Variants in LYRM4 observed in about 807,000 individuals in gnomAD.
LYRM4 encodes LYR motif-containing protein 4.
Under a neutral mutation model 11.7 loss-of-function variants are expected in LYRM4, and 9 were observed. That is an observed-to-expected ratio of 0.77 (90% confidence interval 0.46 to 1.34). The LOEUF is 1.34. Among genes scored for constraint, LYRM4 ranks in the 40% most tolerant of loss-of-function variants. The pLI, the probability that LYRM4 is intolerant of heterozygous loss-of-function variation, is 0.00. For synonymous variants in LYRM4, 42 were observed against 40.4 expected, an observed-to-expected ratio of 1.04 and a Z score of -0.15; for missense variants, 133 against 112.5, an observed-to-expected ratio of 1.18 and a Z score of -0.82.
intron 2 of LYRM4, among the ~76,000 whole-genome samples, chr6:5,205,293 G>A (rs1403998297): frequency 2.6e-5 from 4 of 151,520 alleles, no homozygotes; most frequent in Non-Finnish European, 4.4e-5. Flanking sequence ...AGTGCACTGG[G>A]TGTGCTGTGT....
intron 1 of LYRM4, 129 bp downstream of exon 1, chr6:5,260,519 G>T (rs990094468): frequency 7.9e-7 from 1 of 1,273,520 alleles, no homozygotes; most frequent in Non-Finnish European, 1.1e-6. Context: ...GGCGGAGCCC[G>T]GTCCTTGCCT....
chr6:5,131,382 T>C (rs928193379), intron 2 of LYRM4, among the ~76,000 whole-genome samples: 2 of 152,164 alleles, frequency 1.3e-5, no homozygotes, highest in Non-Finnish European at 2.9e-5. Context: ...TACACACACA[T>C]GTATCTCAGA....
At chr6:5,079,754 A>G in the LYRM4 span, among the ~76,000 whole-genome samples, 1 of 152,390 alleles carries the variant, frequency 6.6e-6, no homozygotes, top group East Asian at 1.9e-4. Context: ...GGAATAGGCC[A>G]GTCCAATCAA....
At chr6:5,256,693 C>T (rs1345914599) in intron 1 of LYRM4, among the ~76,000 whole-genome samples, 1 of 151,960 alleles carries the variant, frequency 6.6e-6, no homozygotes, top group African/African-American at 2.4e-5. Flanking sequence ...GCTCATCACT[C>T]CTCTGAGCTT....
At chr6:5,073,790 C>T in the LYRM4 span, among the ~76,000 whole-genome samples, 1 of 152,126 alleles carries the variant, frequency 6.6e-6, no homozygotes, top group Non-Finnish European at 1.5e-5. Context: ...TGGCAAGAGA[C>T]CTAATCACAG....
chr6:5,165,679 A>T (rs2127660188), intron 2 of LYRM4, among the ~76,000 whole-genome samples: 1 of 152,134 alleles, frequency 6.6e-6, no homozygotes, highest in South Asian at 2.1e-4. Context: ...AGTAGCTGGG[A>T]CTAGAGGTGC....
intron 1 of LYRM4, among the ~76,000 whole-genome samples, chr6:5,233,260 G>C (rs953256624): frequency 6.6e-6 from 1 of 152,212 alleles, no homozygotes; most frequent in Non-Finnish European, 1.5e-5. Flanking sequence ...GCTTCTGCAA[G>C]CCGAAAGCAG....
intron 1 of LYRM4, among the ~76,000 whole-genome samples, chr6:5,258,474 G>A (rs775504953): frequency 1.3e-5 from 2 of 152,200 alleles, no homozygotes; most frequent in African/African-American, 2.4e-5. Context: ...ACATAAGATA[G>A]CAGTGGCACA....
intron 1 of LYRM4, among the ~76,000 whole-genome samples, chr6:5,245,455 A>C (rs1764154265): frequency 6.6e-6 from 1 of 151,992 alleles, no homozygotes; most frequent in African/African-American, 2.4e-5. Flanking sequence ...CACAGTTCTT[A>C]CACCCATGGA....
chr6:5,165,953 A>C (rs983296400), intron 2 of LYRM4, among the ~76,000 whole-genome samples: 7 of 152,364 alleles, frequency 4.6e-5, no homozygotes, highest in Non-Finnish European at 8.8e-5. Context: ...CGAATTATGG[A>C]AGAAATTTAG....
At chr6:5,134,926 A>AGGGTGCGGTTCACTCCCGGGG (rs1756996030) in intron 2 of LYRM4, among the ~76,000 whole-genome samples, 11 of 102,652 alleles carry the variant, frequency 1.1e-4, no homozygotes, top group Non-Finnish European at 1.9e-4. Context: ...CACTCCTGGG[A>AGGGTGCGGTTCACTCCCGGGG]CTGTGGAGGG....
intron 2 of LYRM4, among the ~76,000 whole-genome samples, chr6:5,127,652 A>G (rs888680896): frequency 5.9e-5 from 9 of 152,226 alleles, no homozygotes; most frequent in African/African-American, 1.9e-4. Context: ...TGTATTGCTT[A>G]AATGACAATC....
intron 2 of LYRM4, among the ~76,000 whole-genome samples, chr6:5,190,335 G>A (rs887110901): frequency 6.6e-6 from 1 of 151,986 alleles, no homozygotes; most frequent in Non-Finnish European, 1.5e-5. Context: ...ATAGATGGAT[G>A]GATGTATTTT....
chr6:5,129,807 A>G (rs1233376633), intron 2 of LYRM4, among the ~76,000 whole-genome samples: 1 of 152,200 alleles, frequency 6.6e-6, no homozygotes, highest in Admixed American at 6.5e-5. Flanking sequence ...GTGAAAATGT[A>G]GGACCTAGGA....
At chr6:5,254,124 T>G (rs1298500064) in intron 1 of LYRM4, among the ~76,000 whole-genome samples, 1 of 152,232 alleles carries the variant, frequency 6.6e-6, no homozygotes, top group Non-Finnish European at 1.5e-5. Flanking sequence ...TGAGATGCAC[T>G]GAAAACGGCA....
At position 5,172,569 on chromosome 6, in the gene LYRM4, T is replaced by G. The variant is rs569782778; in HGVS notation, c.207+44049A>C. Among the ~76,000 whole-genome samples the G allele has an allele frequency of 3.3e-5, 5 of 152,188 alleles. No homozygotes were observed. In the South Asian group the frequency reaches 1.0e-3, roughly 32 times the overall value. On this transcript the variant is annotated intron_variant, in intron 2 of 2. Transcript: ENST00000330636. ...CTCGTGTTCTCACATCCTGGACCTG[T>G]GGGGCTGAAAGTTCCTCTCTGCAAA...
intron 2 of LYRM4, among the ~76,000 whole-genome samples, chr6:5,175,260 A>G (rs1759651647): frequency 6.6e-6 from 1 of 152,234 alleles, no homozygotes. Context: ...ATGAAGCAAT[A>G]TTTCAATATC....
chr6:5,061,824 T>C, the LYRM4 span, among the ~76,000 whole-genome samples: 1 of 152,156 alleles, frequency 6.6e-6, no homozygotes, highest in Non-Finnish European at 1.5e-5. Flanking sequence ...ATGAACACCA[T>C]GAATAAGACG....
chr6:5,182,284 A>G (rs538573566), intron 2 of LYRM4, among the ~76,000 whole-genome samples: 89 of 152,352 alleles, frequency 5.8e-4, no homozygotes, highest in Non-Finnish European at 1.1e-3. Context: ...ATATTTTGAA[A>G]TAGGTGGAAT....
Sources: gnomAD v4.1 joint callset for allele counts (sites outside exome capture counted in the v4.1 genomes callset) on GRCh38, gnomAD v4.1.1 for gene constraint, MANE v1.5 for transcripts, NCBI Gene and HGNC (gene_info 2026-07-23, HGNC 2026-07-21) for gene names.